Variants in HLA-DRB5 observed in about 807,000 individuals in gnomAD.
HLA-DRB5 encodes the protein major histocompatibility complex, class II, DR beta 5, also known as DR beta-5.
In HLA-DRB5, 11 loss-of-function variants were observed where a neutral mutation model predicts 22.4. The ratio of observed to expected loss-of-function variants is 0.49; its 90% CI spans 0.31 to 0.81. The LOEUF is 0.81. HLA-DRB5 is among the 40% of genes least tolerant of loss of function. The probability of loss-of-function intolerance (pLI) is 0.05; values close to 1 mark genes in which losing one functional copy is unlikely to be tolerated. For missense variants in HLA-DRB5, 106 were observed against 274.4 expected, an observed-to-expected ratio of 0.39 and a Z score of 4.34; for synonymous variants, 57 against 106.0, an observed-to-expected ratio of 0.54 and a Z score of 2.84.
rs1417682253 is a variant in HLA-DRB5, at chr6:32,523,817, T to C, written c.101-1643A>G. ...GCTGAGTGTATAAAAGATGTGAGTC[T>C]AGAATTTTCAGAAAGAGCACAGTGT... is the stretch of plus-strand genomic sequence containing the variant. On this transcript the variant is annotated intron_variant, in intron 1 of 5. Coordinates refer to ENST00000374975, the MANE Select transcript of HLA-DRB5 (RefSeq NM_002125.4). Among the ~76,000 whole-genome samples, 692 of 117,158 alleles carry C rather than the reference T, an allele frequency of 5.9e-3. 2 individuals are homozygous for C. The highest frequency in any genetic ancestry group is 0.021 in the Middle Eastern group (5 of 242). The allele number at this position is 117,158 out of a possible 152,430, so 76.9% of individuals were successfully genotyped here.
chr6:32,521,463 C>A (rs1768855617), intron 2 of HLA-DRB5, among the ~76,000 whole-genome samples: 1 of 123,432 alleles, frequency 8.1e-6, no homozygotes, highest in Non-Finnish European at 1.7e-5. Context: ...TGGAACTGGC[C>A]TCCTCATATT....
intron 3 of HLA-DRB5, among the ~76,000 whole-genome samples, chr6:32,519,025 C>G (rs1768464729): frequency 9.9e-6 from 1 of 100,678 alleles, no homozygotes; most frequent in African/African-American, 3.3e-5. Flanking sequence ...TTCTCCTCTT[C>G]CCAGATCACA....
At chr6:32,529,634 G>C (rs1451283174) in intron 1 of HLA-DRB5, among the ~76,000 whole-genome samples, 1 of 96,618 alleles carries the variant, frequency 1.0e-5, no homozygotes, top group Non-Finnish European at 2.1e-5. Context: ...AGGAGGTAAT[G>C]GGGAGGCCAC....
chr6:32,528,207 G>GA (rs1769856614), intron 1 of HLA-DRB5, among the ~76,000 whole-genome samples: 1 of 91,526 alleles, frequency 1.1e-5, no homozygotes, highest in Non-Finnish European at 2.2e-5. Context: ...AACTAAAGTA[G>GA]GTGAATCCAT....
chr6:32,524,608 A>AT (rs1769370560), intron 1 of HLA-DRB5, among the ~76,000 whole-genome samples: 1 of 105,904 alleles, frequency 9.4e-6, no homozygotes, highest in Non-Finnish European at 2.0e-5. Context: ...ACCTTCACAA[A>AT]GCTCCGTTTG....
In HLA-DRB5 at chr6:32,518,583, G is replaced by A. The variant is rs375629418; in HGVS notation, c.736C>T (p.Leu246=). 9,217 of 565,898 alleles carry A rather than the reference G, an allele frequency of 0.016. 12 individuals carry two copies. The highest frequency in any genetic ancestry group is 0.021 in the Non-Finnish European group (8,343 of 403,522). 35.1% of individuals were successfully genotyped at this position (565,898 alleles called of 1,614,324 possible). A position where few individuals can be genotyped will look rare whatever the true frequency, so the allele number is the denominator to read the frequency against. The part of the protein sequence containing the change: ...VLGLLFLGAG[L]FIYFKNQKGH... ...TTCTGATTCTTGAAGTAGATGAATAGCCCGGCCCCAAGGAAGAGCAGGCCC... is the reference window on the plus strand; with the variant it reads ...TTCTGATTCTTGAAGTAGATGAATAACCCGGCCCCAAGGAAGAGCAGGCCC... The change falls in exon 4 of 6, where the codon CTA becomes TTA. Residue 246 remains leucine, a synonymous_variant. Coordinates refer to ENST00000374975, the MANE Select transcript of HLA-DRB5 (RefSeq NM_002125.4).
At chr6:32,527,212 C>G (rs533358873) in intron 1 of HLA-DRB5, among the ~76,000 whole-genome samples, 2,690 of 22,254 alleles carry the variant, frequency 0.12, 903 homozygotes, top group Admixed American at 0.16. Flanking sequence ...TTTAAAAATT[C>G]AATATAGGCC....
At chr6:32,525,427 A>C (rs200808660) in intron 1 of HLA-DRB5, among the ~76,000 whole-genome samples, 5,345 of 32,082 alleles carry the variant, frequency 0.17, 1,693 homozygotes, top group Admixed American at 0.24. Context: ...TTTTTCTATT[A>C]CATGATTCTA....
At chr6:32,519,150 AGGG>A (rs1403559564) in intron 3 of HLA-DRB5, among the ~76,000 whole-genome samples, 1,575 of 82,092 alleles carry the variant, frequency 0.019, no homozygotes, top group Non-Finnish European at 0.024. Flanking sequence ...GGTTCAAAAC[AGGG>A]ACAGCCTCTC....
intron 1 of HLA-DRB5, among the ~76,000 whole-genome samples, chr6:32,523,757 C>A (rs974364232): frequency 2.1e-5 from 1 of 48,260 alleles, no homozygotes; most frequent in East Asian, 4.8e-4. Context: ...CATAATGAAG[C>A]AAGCAAAAAT....
intron 1 of HLA-DRB5, among the ~76,000 whole-genome samples, chr6:32,523,786 T>C (rs796285741): frequency 0.55 from 42,360 of 77,054 alleles, 14,120 homozygotes; most frequent in Middle Eastern, 0.74. Flanking sequence ...AAGAACTGAA[T>C]TGGGTGCTGA....
At position 32,522,339 on chromosome 6, in the gene HLA-DRB5, C is replaced by T. The variant is rs182166777; in HGVS notation, c.101-165G>A. ...AGCCCAGAGGCTCATCCTCCGTCTT[C>T]CTGAGGCGAACGGGGTGTCTGGGGG... is the stretch of plus-strand genomic sequence containing the variant. On this transcript the variant is annotated intron_variant, in intron 1 of 5. Transcript: ENST00000374975. Among the ~76,000 whole-genome samples, 234 of 31,064 alleles carry T rather than the reference C, an allele frequency of 7.5e-3. 33 individuals are homozygous for T. Among genetic ancestry groups the T allele is most frequent in the East Asian group, 0.012 (16 of 1,332 alleles). The allele number at this position is 31,064 out of a possible 152,430, so 20.4% of individuals were successfully genotyped here. A position where few individuals can be genotyped will look rare whatever the true frequency, so the allele number is the denominator to read the frequency against.
rs115254515 is a variant in HLA-DRB5, at chr6:32,524,118, C to A, written c.101-1944G>T. Among the ~76,000 whole-genome samples the A allele has an allele frequency of 8.3e-5, 5 of 60,276 alleles. 2 individuals carry two copies. Among genetic ancestry groups the A allele is most frequent in the Non-Finnish European group, 1.4e-4 (4 of 28,140 alleles). 39.5% of individuals were successfully genotyped at this position (60,276 alleles called of 152,430 possible). On this transcript the variant is annotated intron_variant, in intron 1 of 5. Transcript: ENST00000374975. ...CTGAAAAAACCTGTGTTGAACAAGC[C>A]ACTAGTGGTTATGGAGCAGCTGAGA...
rs188885960 is a variant in HLA-DRB5 at position 32,526,008 on chromosome 6, G to A, written c.101-3834C>T. On this transcript the variant is annotated intron_variant, in intron 1 of 5. Coordinates refer to ENST00000374975, the MANE Select transcript of HLA-DRB5 (RefSeq NM_002125.4). ...ATGACCGAGCATCTCTGGTTCACAG[G>A]TCCTCCTGCTTCTCTTCAGCCTCTT... 7.6e-4 allele frequency among the ~76,000 whole-genome samples: 61 copies of A among 80,104 alleles called. 2 individuals are homozygous for A. Among genetic ancestry groups the A allele is most frequent in the East Asian group, 1.6e-3 (5 of 3,152 alleles). The allele number at this position is 80,104 out of a possible 152,430, so 52.6% of individuals were successfully genotyped here. A position where few individuals can be genotyped will look rare whatever the true frequency, so the allele number is the denominator to read the frequency against.
chr6:32,524,725 A>G (rs183257886), intron 1 of HLA-DRB5, among the ~76,000 whole-genome samples: 16,352 of 91,798 alleles, frequency 0.18, 419 homozygotes, highest in African/African-American at 0.21. Context: ...ATGTTAAAAA[A>G]TAAACATTTG....
intron 1 of HLA-DRB5, 30 bp from the exon 2 acceptor site, chr6:32,522,204 G>A (rs36165851): frequency 0.14 from 78,404 of 576,828 alleles, 19,773 homozygotes; most frequent in Admixed American, 0.39. Context: ...CCGGTCACAG[G>A]GGCGGCCTCC....
chr6:32,528,893 A>C (rs141631850), intron 1 of HLA-DRB5, among the ~76,000 whole-genome samples: 6,641 of 32,978 alleles, frequency 0.2, 1,506 homozygotes, highest in East Asian at 0.27. Context: ...CAGTGAGCCT[A>C]GATCGGACCA....
chr6:32,520,259 G>A lies in HLA-DRB5; in HGVS notation c.371-608C>T, dbSNP rs188804041. ...GTTTGAGAGAAAAATATGATTTAAA[G>A]TAATGTGGATAGATAAAGGGACCGA... On this transcript the variant is annotated intron_variant, in intron 2 of 5. Coordinates refer to ENST00000374975, the MANE Select transcript of HLA-DRB5 (RefSeq NM_002125.4). 3.9e-3 allele frequency among the ~76,000 whole-genome samples: 229 copies of A among 58,118 alleles called. 1 individual carries two copies. Among genetic ancestry groups the A allele is most frequent in the East Asian group, 6.8e-3 (16 of 2,346 alleles). The allele number at this position is 58,118 out of a possible 152,430, so 38.1% of individuals were successfully genotyped here. A position where few individuals can be genotyped will look rare whatever the true frequency, so the allele number is the denominator to read the frequency against.
At position 32,522,827 on chromosome 6, in the gene HLA-DRB5, G is replaced by A. The variant is rs1358522417; in HGVS notation, c.101-653C>T. Among the ~76,000 whole-genome samples the A allele has an allele frequency of 1.2e-4, 5 of 42,040 alleles. 2 individuals carry two copies. The East Asian group carries it at 3.1e-3, about 26-fold the overall frequency. The allele number at this position is 42,040 out of a possible 152,430, so 27.6% of individuals were successfully genotyped here. Reference sequence around the variant, plus strand: ...GCCAGAGGAGGACCTTCTGAAGGGTGACAGTTCAGATGTGACTTGGCAGGT... The same window carrying A: ...GCCAGAGGAGGACCTTCTGAAGGGTAACAGTTCAGATGTGACTTGGCAGGT... On this transcript the variant is annotated intron_variant, in intron 1 of 5. Coordinates refer to ENST00000374975, the MANE Select transcript of HLA-DRB5 (RefSeq NM_002125.4).
Sources: gnomAD v4.1 joint callset for allele counts (sites outside exome capture counted in the v4.1 genomes callset) on GRCh38, gnomAD v4.1.1 for gene constraint, MANE v1.5 for transcripts, NCBI Gene and HGNC (gene_info 2026-07-23, HGNC 2026-07-21) for gene names.